Variants in DDX46 observed in about 807,000 individuals in gnomAD.
The protein encoded by DDX46 is probable ATP-dependent RNA helicase DDX46.
DDX46 carries 30 observed loss-of-function variants against 134.9 expected under a neutral mutation model. That is an observed-to-expected ratio of 0.22 (90% CI 0.17 to 0.30). The LOEUF (loss-of-function observed/expected upper bound fraction) is 0.30. Ranked by LOEUF, DDX46 falls within the 10% of genes least tolerant of loss-of-function variation. DDX46 has a pLI of 1.00. For synonymous variants in DDX46, 415 were observed against 404.1 expected (o/e 1.03, Z -0.32); for missense variants, 622 against 1,248.7 (o/e 0.50, Z 7.56).
intron 18 of DDX46, 88 bp downstream of exon 18, chr5:134,811,933 A>C (rs1755156604): frequency 6.8e-7 from 1 of 1,471,716 alleles, no homozygotes; most frequent in Non-Finnish European, 9.0e-7. Context: ...CAAGATAGAC[A>C]ATCACTGGAA....
intron 4 of DDX46, 43 bp downstream of exon 4, chr5:134,771,042 GTCTTTCTT>G: frequency 1.2e-6 from 1 of 839,772 alleles, no homozygotes. Context: ...CTTTCTTTTT[GTCTTTCTT>G]TCTTTCTTTT....
intron 13 of DDX46, among the ~76,000 whole-genome samples, chr5:134,793,549 C>T (rs1754568997): frequency 1.3e-5 from 2 of 152,102 alleles, no homozygotes. Flanking sequence ...GTATTATAGG[C>T]ACGTGCCACC....
intron 21 of DDX46, among the ~76,000 whole-genome samples, chr5:134,825,191 TCAA>T (rs1349443045): frequency 1.3e-5 from 2 of 152,198 alleles, no homozygotes; most frequent in African/African-American, 2.4e-5. Flanking sequence ...CACAAAAATA[TCAA>T]CAAGCTTCAC....
At chr5:134,791,755 C>T (rs1183171381) in intron 13 of DDX46, among the ~76,000 whole-genome samples, 1 of 152,146 alleles carries the variant, frequency 6.6e-6, no homozygotes, top group Non-Finnish European at 1.5e-5. Context: ...AATTTATTGC[C>T]AGTTATATGT....
chr5:134,774,397 G>A (rs1178896983), intron 5 of DDX46, among the ~76,000 whole-genome samples: 2 of 152,086 alleles, frequency 1.3e-5, no homozygotes, highest in African/African-American at 4.8e-5. Context: ...TTTTGTTATC[G>A]TGAGTAATGC....
At chr5:134,777,347 T>C (rs528678779) in intron 5 of DDX46, among the ~76,000 whole-genome samples, 1 of 152,364 alleles carries the variant, frequency 6.6e-6, no homozygotes, top group South Asian at 2.1e-4. Context: ...AATTTATGTT[T>C]TATTCATATT....
At chr5:134,759,036 G>C (rs1317457250) in intron 1 of DDX46, 81 bp downstream of exon 1, 25 of 1,578,170 alleles carry the variant, frequency 1.6e-5, no homozygotes, top group South Asian at 1.5e-4. Context: ...GGTGGCCGCC[G>C]GGCCAGGCCT....
chr5:134,777,774 T>G (rs1376641921), intron 6 of DDX46, 49 bp downstream of exon 6: 2 of 1,561,904 alleles, frequency 1.3e-6, no homozygotes, highest in African/African-American at 2.8e-5. Context: ...TTGGGTAACT[T>G]GAGTTCTCCA....
intron 18 of DDX46, among the ~76,000 whole-genome samples, chr5:134,812,207 G>C (rs1755164964): frequency 6.6e-6 from 1 of 151,758 alleles, no homozygotes; most frequent in South Asian, 2.1e-4. Context: ...TGGGATTACA[G>C]GCATCCACCA....
At chr5:134,777,749 G>C in intron 6 of DDX46, 24 bp downstream of exon 6, 1 of 1,585,626 alleles carries the variant, frequency 6.3e-7, no homozygotes, top group Non-Finnish European at 8.5e-7. Flanking sequence ...TATTTTTAAA[G>C]ATTTCCGTTT....
chr5:134,816,707 C>T, intron 19 of DDX46, 101 bp downstream of exon 19: 1 of 1,177,080 alleles, frequency 8.5e-7, no homozygotes, highest in Non-Finnish European at 1.2e-6. Context: ...TTGTCCTAGA[C>T]ATTGAGTTTG....
Position 134,818,928 on chromosome 5 carries a change from T to C in DDX46, c.2901T>C (p.Ile967=). 1.9e-6 allele frequency: 3 copies of C among 1,614,038 alleles called. No individual in the cohort carries two copies. The highest frequency in any genetic ancestry group is 2.5e-6 in the Non-Finnish European group (3 of 1,179,980). ...TCAGTGAATACTCTGAAGCCGCAAT[T>C]ACAATCAGAGGAACCTACTTCCCTC... ...QRISEYSEAA[I]TIRGTYFPPG... The change falls in exon 21 of 23, where the codon ATT becomes ATC. Residue 967 remains isoleucine, a synonymous_variant. Coordinates refer to ENST00000452510, the MANE Select transcript of DDX46 (RefSeq NM_001300860.2).
At chr5:134,808,035 C>T (rs1755038943) in intron 16 of DDX46, 94 bp downstream of exon 16, 8 of 1,177,602 alleles carry the variant, frequency 6.8e-6, no homozygotes, top group Non-Finnish European at 8.1e-6. Flanking sequence ...GTTATGGAGA[C>T]ATTTTGAAAA....
intron 10 of DDX46, 128 bp downstream of exon 10, chr5:134,784,669 TG>T (rs1754276398): frequency 9.3e-7 from 1 of 1,072,338 alleles, no homozygotes; most frequent in South Asian, 2.2e-5. Context: ...TTTATCAATT[TG>T]GCACTTTGGG....
intron 15 of DDX46, among the ~76,000 whole-genome samples, chr5:134,800,105 G>A (rs1243308650): frequency 2.0e-5 from 3 of 151,988 alleles, no homozygotes; most frequent in East Asian, 3.9e-4. Flanking sequence ...GCACCGCCAT[G>A]CCCGGCTAAT....
chr5:134,817,331 T>C, intron 19 of DDX46, 165 bp from the exon 20 acceptor site: 2 of 638,768 alleles, frequency 3.1e-6, no homozygotes, highest in Non-Finnish European at 5.2e-6. Context: ...ACATTATAAA[T>C]ATATATTGCT....
intron 19 of DDX46, 61 bp from the exon 20 acceptor site, chr5:134,817,435 G>A (rs773547384): frequency 2.2e-5 from 33 of 1,493,836 alleles, no homozygotes; most frequent in Non-Finnish European, 3.0e-5. Flanking sequence ...AATTTGTGGT[G>A]TGGTCCCTAC....
chr5:134,782,332 C>A (rs151325139), intron 8 of DDX46, among the ~76,000 whole-genome samples: 1 of 151,966 alleles, frequency 6.6e-6, no homozygotes, highest in East Asian at 1.9e-4. Flanking sequence ...ACAGTGAAAC[C>A]CCGTCTCTAC....
intron 6 of DDX46, chr5:134,777,933 A>G (rs1456144412): frequency 2.1e-6 from 1 of 482,360 alleles, no homozygotes; most frequent in East Asian, 3.7e-5. Context: ...TTTTAACACC[A>G]TCAACTTAGT....
Sources: gnomAD v4.1 joint callset for allele counts (sites outside exome capture counted in the v4.1 genomes callset) on GRCh38, gnomAD v4.1.1 for gene constraint, MANE v1.5 for transcripts, NCBI Gene and HGNC (gene_info 2026-07-23, HGNC 2026-07-21) for gene names.